FUT9: variants seen among roughly 807,000 people sequenced by gnomAD.
FUT9 encodes the protein 4-galactosyl-N-acetylglucosaminide 3-alpha-L-fucosyltransferase 9.
Under a neutral mutation model 29.7 loss-of-function variants are expected in FUT9, and 15 were observed. That is an observed-to-expected ratio of 0.51 (90% CI 0.34 to 0.78). The LOEUF (loss-of-function observed/expected upper bound fraction) is 0.78. FUT9 is among the 30% of genes least tolerant of loss of function. The pLI is 0.01. For synonymous variants in FUT9, 169 were observed against 153.7 expected (o/e 1.10, Z -0.74); for missense variants, 319 against 425.4 (o/e 0.75, Z 2.20).
chr6:96,018,913 T>C (rs1018053430), intron 1 of FUT9, among the ~76,000 whole-genome samples: 5 of 151,958 alleles, frequency 3.3e-5, no homozygotes, highest in Admixed American at 3.3e-4. Context: ...ATTATTTTGG[T>C]ATTTAGTTAC....
intron 1 of FUT9, among the ~76,000 whole-genome samples, chr6:96,099,669 T>G (rs2127956337): frequency 6.6e-6 from 1 of 152,218 alleles, no homozygotes; most frequent in Admixed American, 6.5e-5. Context: ...AGTAATAAAT[T>G]TATTAGTGTA....
chr6:96,115,816 A>C (rs1416698026), intron 2 of FUT9, among the ~76,000 whole-genome samples: 1 of 152,198 alleles, frequency 6.6e-6, no homozygotes, highest in African/African-American at 2.4e-5. Flanking sequence ...GAAATTATAG[A>C]GAAGAAAATA....
intron 1 of FUT9, among the ~76,000 whole-genome samples, chr6:96,023,024 A>G (rs1770102238): frequency 6.6e-6 from 1 of 151,896 alleles, no homozygotes; most frequent in Admixed American, 6.6e-5. Context: ...TGGGACCCCA[A>G]ATATAGAGAG....
intron 2 of FUT9, among the ~76,000 whole-genome samples, chr6:96,172,698 T>C (rs1375218402): frequency 6.6e-6 from 1 of 150,874 alleles, no homozygotes; most frequent in East Asian, 1.9e-4. Flanking sequence ...GGCTGACGAG[T>C]AGCAGCAAAC....
Position 96,164,253 on chromosome 6 carries a change from C to CTTTTTTT in FUT9, c.-8-38880_-8-38874dup, listed in dbSNP as rs57049980. Among the ~76,000 whole-genome samples the CTTTTTTT allele has an allele frequency of 1.7e-4, 18 of 105,794 alleles. 2 individuals carry two copies. The highest frequency in any genetic ancestry group is 2.1e-4 in the African/African-American group (6 of 28,578). The allele number at this position is 105,794 out of a possible 152,430, so 69.4% of individuals were successfully genotyped here. On this transcript the variant is annotated intron_variant, in intron 2 of 2. Transcript: ENST00000302103. ...ATAAACAGTTTTGGAGATCCAGGTTCTTTTTTTTTTTTTTTTTTTTTGAGA... is the reference window on the plus strand; with the variant it reads ...ATAAACAGTTTTGGAGATCCAGGTTCTTTTTTTTTTTTTTTTTTTTTTTTTTTTGAGA...
chr6:96,173,206 GC>G (rs1773144479), intron 2 of FUT9, among the ~76,000 whole-genome samples: 4 of 151,810 alleles, frequency 2.6e-5, no homozygotes, highest in Admixed American at 2.0e-4. Context: ...TTTAAGTCTT[GC>G]CTTAAGAATG....
intron 2 of FUT9, among the ~76,000 whole-genome samples, chr6:96,118,039 C>A (rs1169171974): frequency 1.3e-5 from 2 of 151,862 alleles, no homozygotes; most frequent in East Asian, 3.9e-4. Flanking sequence ...AAACCCATCT[C>A]TACTGAAAAT....
chr6:96,181,199 C>A (rs1773300305), intron 2 of FUT9, among the ~76,000 whole-genome samples: 1 of 151,958 alleles, frequency 6.6e-6, no homozygotes, highest in Admixed American at 6.6e-5. Context: ...ATTGTCATAT[C>A]AGACTCACTT....
chr6:96,076,060 G>A (rs1363968614), intron 1 of FUT9, among the ~76,000 whole-genome samples: 1 of 152,060 alleles, frequency 6.6e-6, no homozygotes, highest in Non-Finnish European at 1.5e-5. Flanking sequence ...CAAGTGGTCT[G>A]AAGTGAGCTG....
At position 96,097,930 on chromosome 6, in the gene FUT9, T is replaced by A. The variant is rs928940480; in HGVS notation, c.-97-16109T>A. Among the ~76,000 whole-genome samples, 112 of 152,180 alleles carry A rather than the reference T, an allele frequency of 7.4e-4. 1 individual carries two copies. The highest frequency in any genetic ancestry group is 2.6e-3 in the African/African-American group (108 of 41,528). ...AGATACAAAAAAATATGCATACAAT[T>A]TCCAGAGGAGCACAGACCTTCAAAA... On this transcript the variant is annotated intron_variant, in intron 1 of 2. Transcript: ENST00000302103.
At chr6:96,022,150 G>A (rs1256248568) in intron 1 of FUT9, among the ~76,000 whole-genome samples, 3 of 152,030 alleles carry the variant, frequency 2.0e-5, no homozygotes, top group Non-Finnish European at 4.4e-5. Flanking sequence ...ACAAGACATA[G>A]GTGTTAGTGA....
At chr6:96,055,709 C>CTT (rs113298226) in intron 1 of FUT9, among the ~76,000 whole-genome samples, 50 of 45,590 alleles carry the variant, frequency 1.1e-3, no homozygotes, top group African/African-American at 2.1e-3. Flanking sequence ...ATTTCTTTTT[C>CTT]TTTTTTTTTT....
chr6:96,071,577 C>T (rs1454259150), intron 1 of FUT9, among the ~76,000 whole-genome samples: 3 of 151,906 alleles, frequency 2.0e-5, no homozygotes, highest in Admixed American at 6.6e-5. Context: ...GCTTAAATGT[C>T]GTTTTAGTGA....
intron 1 of FUT9, among the ~76,000 whole-genome samples, chr6:96,050,920 A>G (rs185069363): frequency 1.3e-5 from 2 of 152,304 alleles, no homozygotes; most frequent in Admixed American, 1.3e-4. Flanking sequence ...ACACTTAATA[A>G]TGTAAGACCT....
chr6:96,160,360 C>T (rs1582275599), intron 2 of FUT9, among the ~76,000 whole-genome samples: 1 of 152,142 alleles, frequency 6.6e-6, no homozygotes, highest in Non-Finnish European at 1.5e-5. Flanking sequence ...CACAGTTATG[C>T]TGCCCGAGTT....
At chr6:96,058,159 T>C (rs926847587) in intron 1 of FUT9, among the ~76,000 whole-genome samples, 1 of 152,086 alleles carries the variant, frequency 6.6e-6, no homozygotes, top group African/African-American at 2.4e-5. Context: ...GGTGCAGTTC[T>C]ATTCTGTTAT....
intron 1 of FUT9, among the ~76,000 whole-genome samples, chr6:96,020,357 C>T (rs1333199791): frequency 6.6e-6 from 1 of 152,054 alleles, no homozygotes; most frequent in East Asian, 1.9e-4. Context: ...GTTTCATCTC[C>T]ATGCTGATTC....
Position 96,204,037 on chromosome 6 carries a change from T to C in FUT9, c.882T>C (p.Ser294=). 1 of 1,590,782 alleles carries C rather than the reference T, an allele frequency of 6.3e-7. No homozygotes were observed. The highest frequency in any genetic ancestry group is 8.6e-7 in the Non-Finnish European group (1 of 1,168,976). The part of the protein sequence containing the change: ...DSFIHVEDYN[S]PSELAKYLKE... Reference sequence around the variant, plus strand: ...TCATTCATGTGGAAGATTATAACTCTCCCAGTGAGCTAGCAAAGTATCTGA... The same window carrying C: ...TCATTCATGTGGAAGATTATAACTCCCCCAGTGAGCTAGCAAAGTATCTGA... The change falls in exon 3 of 3, where the codon TCT becomes TCC. Residue 294 remains serine (S), a synonymous_variant. Transcript: ENST00000302103.
At chr6:96,187,311 T>C (rs1773422450) in intron 2 of FUT9, among the ~76,000 whole-genome samples, 1 of 152,128 alleles carries the variant, frequency 6.6e-6, no homozygotes, top group Admixed American at 6.6e-5. Flanking sequence ...ATTCAGATAG[T>C]CAGTTTTCCA....
Sources: gnomAD v4.1 joint callset for allele counts (sites outside exome capture counted in the v4.1 genomes callset) on GRCh38, gnomAD v4.1.1 for gene constraint, MANE v1.5 for transcripts, NCBI Gene and HGNC (gene_info 2026-07-23, HGNC 2026-07-21) for gene names.